The following ATXN1 variants were observed in gnomAD, a reference collection of about 807,000 sequenced individuals.
ATXN1 encodes the protein ataxin-1.
In ATXN1, 8 loss-of-function variants were observed where a neutral mutation model predicts 56.4. The observed-to-expected ratio is 0.14, with a 90% CI of 0.08 to 0.26. ATXN1 has a LOEUF of 0.26. Ranked by LOEUF, ATXN1 falls within the 10% of genes least tolerant of loss-of-function variation. The probability of loss-of-function intolerance (pLI) is 1.00; values close to 1 mark genes in which losing one functional copy is unlikely to be tolerated. For synonymous variants in ATXN1, 514 were observed against 494.6 expected, an observed-to-expected ratio of 1.04 and a Z score of -0.52; for missense variants, 987 against 1,106.5, an observed-to-expected ratio of 0.89 and a Z score of 1.53.
chr6:16,520,499 T>G lies in ATXN1; in HGVS notation c.-299+2128A>C, dbSNP rs1761267968. On this transcript the variant is annotated intron_variant, in intron 5 of 7. Transcript: ENST00000436367. ...GTCCTTCTTTCATTCCTTCACCATT[T>G]CTTGCCTCAGACCCTTCTCTACCAG... is the stretch of plus-strand genomic sequence containing the variant. Among the ~76,000 whole-genome samples the G allele has an allele frequency of 2.0e-5, 3 of 152,322 alleles. No individual in the cohort carries two copies. The South Asian group carries it at 6.2e-4, about 32-fold the overall frequency.
Position 16,300,203 on chromosome 6 carries a change from G to A in ATXN1, c.*6126C>T, listed in dbSNP as rs766310031. 1.3e-5 allele frequency: 2 copies of A among 152,608 alleles called. No homozygotes were observed. The highest frequency in any genetic ancestry group is 6.6e-5 in the Admixed American group (1 of 15,218). 9.5% of individuals were successfully genotyped at this position (152,608 alleles called of 1,614,324 possible). A position where few individuals can be genotyped will look rare whatever the true frequency, so the allele number is the denominator to read the frequency against. ...TGAAGCCTCCAATGTATCTGCAGTG[G>A]AAGACTTGAGTCCTTTCAGATAAGA... On this transcript the variant is annotated 3_prime_UTR_variant, in exon 8 of 8. Transcript: ENST00000436367.
At chr6:16,602,739 T>C (rs1177074741) in intron 3 of ATXN1, among the ~76,000 whole-genome samples, 5 of 152,180 alleles carry the variant, frequency 3.3e-5, no homozygotes, top group Non-Finnish European at 5.9e-5. Context: ...CGTGAGCCAC[T>C]GAGCCTGGCC....
chr6:16,619,667 G>C (rs115231235), intron 3 of ATXN1, among the ~76,000 whole-genome samples: 1 of 152,116 alleles, frequency 6.6e-6, no homozygotes, highest in Non-Finnish European at 1.5e-5. Context: ...TTTTCTAAAT[G>C]AATATATACA....
At chr6:16,706,715 C>T (rs562688878) in intron 2 of ATXN1, among the ~76,000 whole-genome samples, 3 of 115,258 alleles carry the variant, frequency 2.6e-5, no homozygotes, top group Non-Finnish European at 5.4e-5. Flanking sequence ...CAGAGCAAGA[C>T]TCCATCTCAA....
intron 2 of ATXN1, among the ~76,000 whole-genome samples, chr6:16,691,453 C>T (rs1270557015): frequency 1.3e-5 from 2 of 152,142 alleles, no homozygotes; most frequent in African/African-American, 4.8e-5. Flanking sequence ...TTTAAAACCA[C>T]ATTAAAAGAT....
At chr6:16,426,029 G>A (rs771471159) in intron 6 of ATXN1, among the ~76,000 whole-genome samples, 2 of 152,164 alleles carry the variant, frequency 1.3e-5, no homozygotes, top group Admixed American at 6.5e-5. Flanking sequence ...GGAAAGACTC[G>A]TTGGCATATT....
At chr6:16,484,794 T>C (rs1310459396) in intron 6 of ATXN1, among the ~76,000 whole-genome samples, 1 of 152,142 alleles carries the variant, frequency 6.6e-6, no homozygotes, top group African/African-American at 2.4e-5. Context: ...CCAAAAAAAT[T>C]AGGAACATTT....
At chr6:16,307,480 C>T (rs1049601860) in intron 7 of ATXN1, among the ~76,000 whole-genome samples, 13 of 151,832 alleles carry the variant, frequency 8.6e-5, no homozygotes, top group South Asian at 4.2e-4. Context: ...ACCAGCCTGG[C>T]CAACATGGGG....
At chr6:16,330,204 C>T (rs997681557) in intron 6 of ATXN1, among the ~76,000 whole-genome samples, 4 of 152,138 alleles carry the variant, frequency 2.6e-5, no homozygotes, top group Non-Finnish European at 5.9e-5. Context: ...GCATGAGCCA[C>T]TGTGTGTAGC....
chr6:16,760,610 T>C lies in ATXN1; in HGVS notation c.-730+688A>G, dbSNP rs1761057706. Among the ~76,000 whole-genome samples, 1 of 148,646 alleles carries C rather than the reference T, an allele frequency of 6.7e-6. No individual in the cohort carries two copies. The highest frequency in any genetic ancestry group is 2.5e-5 in the African/African-American group (1 of 40,180). ...GCCGCGCGCAAAGTCCCGTCCCGGC[T>C]GCAGGAGCAGTCCCTTCCCCGCCCG... On this transcript the variant is annotated intron_variant, in intron 1 of 7. Transcript: ENST00000436367. The surrounding 1 kb of genome is among the most constrained non-coding windows in gnomAD (Gnocchi z 5.3).
At chr6:16,385,612 C>T (rs748389384) in intron 6 of ATXN1, among the ~76,000 whole-genome samples, 4 of 152,216 alleles carry the variant, frequency 2.6e-5, no homozygotes, top group Non-Finnish European at 5.9e-5. Context: ...CTTAATTTCT[C>T]GTTTTACTTC....
intron 6 of ATXN1, among the ~76,000 whole-genome samples, chr6:16,423,105 C>A (rs113759963): frequency 0.024 from 3,641 of 152,282 alleles, 53 homozygotes; most frequent in Middle Eastern, 0.051. Flanking sequence ...TCTCTGAATA[C>A]ATTTCACTTG....
chr6:16,541,291 A>G (rs1343105223), intron 4 of ATXN1, among the ~76,000 whole-genome samples: 2 of 152,164 alleles, frequency 1.3e-5, no homozygotes, highest in Admixed American at 1.3e-4. Context: ...GACCAACCAC[A>G]CCTTCAAGTC....
intron 2 of ATXN1, among the ~76,000 whole-genome samples, chr6:16,746,988 C>T (rs570146554): frequency 6.6e-6 from 1 of 152,194 alleles, no homozygotes; most frequent in Admixed American, 6.5e-5. Flanking sequence ...ACAAGTCATC[C>T]TGTTGCAGGG....
At chr6:16,759,884 C>CG (rs1200696356) in intron 1 of ATXN1, among the ~76,000 whole-genome samples, 1 of 152,092 alleles carries the variant, frequency 6.6e-6, no homozygotes, top group Non-Finnish European at 1.5e-5. Flanking sequence ...AGCCTGAAGG[C>CG]GGGGGGCTGA....
intron 1 of ATXN1, among the ~76,000 whole-genome samples, chr6:16,759,424 C>G (rs917249397): frequency 7.3e-5 from 11 of 151,674 alleles, no homozygotes; most frequent in Admixed American, 5.3e-4. Context: ...GGGGACAGAA[C>G]CAGTTTGGAG....
chr6:16,659,968 T>C (rs1053224762), intron 2 of ATXN1, among the ~76,000 whole-genome samples: 4 of 152,128 alleles, frequency 2.6e-5, no homozygotes, highest in African/African-American at 7.2e-5. Flanking sequence ...CTCATCTAAG[T>C]GACAATATTT....
intron 5 of ATXN1, among the ~76,000 whole-genome samples, chr6:16,489,844 T>A (rs1015169724): frequency 1.3e-5 from 2 of 151,976 alleles, no homozygotes; most frequent in Non-Finnish European, 2.9e-5. Context: ...CGAATAGAAA[T>A]GGCTAGAGGG....
chr6:16,699,444 C>T (rs1427282641), intron 2 of ATXN1, among the ~76,000 whole-genome samples: 1 of 152,136 alleles, frequency 6.6e-6, no homozygotes. Flanking sequence ...CAAACATGTC[C>T]GGCTGAATTC....
Sources: gnomAD v4.1 joint callset for allele counts (sites outside exome capture counted in the v4.1 genomes callset) on GRCh38, gnomAD v4.1.1 for gene constraint, Gnocchi (gnomAD v3.1) non-coding constraint, MANE v1.5 for transcripts, NCBI Gene and HGNC (gene_info 2026-07-23, HGNC 2026-07-21) for gene names.